The following TRAK1 variants were observed in gnomAD, a reference collection of about 807,000 sequenced individuals.
TRAK1 encodes trafficking kinesin protein 1.
Under a neutral mutation model 92.1 loss-of-function variants are expected in TRAK1, and 33 were observed. The ratio of observed to expected loss-of-function variants is 0.36; its 90% CI spans 0.27 to 0.48. TRAK1 has a LOEUF of 0.48. TRAK1 is among the 20% of genes least tolerant of loss of function. The pLI, the probability that TRAK1 is intolerant of heterozygous loss-of-function variation, is 0.99. For missense variants in TRAK1, 1,123 were observed against 1,257.9 expected, an observed-to-expected ratio of 0.89 and a Z score of 1.62; for synonymous variants, 521 against 517.3, an observed-to-expected ratio of 1.01 and a Z score of -0.10.
chr3:42,017,483 T>G (rs527886625), intron 1 of TRAK1, among the ~76,000 whole-genome samples: 2 of 152,352 alleles, frequency 1.3e-5, no homozygotes, highest in Admixed American at 6.5e-5. Context: ...GTCTTCTGGC[T>G]TCTCACCTCC....
At chr3:42,039,858 A>C (rs1702469181) in intron 1 of TRAK1, among the ~76,000 whole-genome samples, 1 of 152,116 alleles carries the variant, frequency 6.6e-6, no homozygotes, top group South Asian at 2.1e-4. Context: ...TTATGGTTTC[A>C]TTCTCCCTAG....
intron 2 of TRAK1, among the ~76,000 whole-genome samples, chr3:42,170,575 G>A (rs935634697): frequency 2.6e-5 from 4 of 152,058 alleles, no homozygotes; most frequent in African/African-American, 9.7e-5. Context: ...GAATTGCTAG[G>A]GATACGTGTC....
chr3:42,189,030 AGTC>A lies in TRAK1; in HGVS notation c.600_602del (p.Ser203del), dbSNP rs777777250. ...TTCTCCCCCAGGTTGAAGAGGAATG[AGTC>A]GTCCTCCTCAGTCCAGAATTACTTT... On this transcript the variant is annotated inframe_deletion, in exon 6 of 16. Coordinates refer to ENST00000327628, the MANE Select transcript of TRAK1 (RefSeq NM_001042646.3). 1.9e-6 allele frequency: 3 copies of A among 1,613,442 alleles called. No individual in the cohort carries two copies. The highest frequency in any genetic ancestry group is 2.5e-6 in the Non-Finnish European group (3 of 1,179,378).
At chr3:42,211,305 A>G (rs956131438) in intron 14 of TRAK1, 2 of 985,280 alleles carry the variant, frequency 2.0e-6, no homozygotes, top group East Asian at 1.1e-4. Flanking sequence ...TTTCCTTGAC[A>G]TTAATTTTAG....
chr3:42,193,908 T>C lies in TRAK1; in HGVS notation c.975+10T>C. On this transcript the variant is annotated intron_variant, in intron 9 of 15. Coordinates refer to ENST00000327628, the MANE Select transcript of TRAK1 (RefSeq NM_001042646.3). Reference sequence around the variant, plus strand: ...GCAGCTCACAGCCGAGGTGAGCACCTCTCCCTCATTCCTTCAGTGCCTCTG... The same window carrying C: ...GCAGCTCACAGCCGAGGTGAGCACCCCTCCCTCATTCCTTCAGTGCCTCTG... 3 of 1,612,370 alleles carry C rather than the reference T, an allele frequency of 1.9e-6. No homozygotes were observed. Among genetic ancestry groups the C allele is most frequent in the Non-Finnish European group, 2.5e-6 (3 of 1,179,122 alleles).
chr3:42,211,236 C>T, intron 14 of TRAK1: 1 of 985,206 alleles, frequency 1.0e-6, no homozygotes, highest in Non-Finnish European at 1.2e-6. Flanking sequence ...CTCCCATTCC[C>T]CTGGCTAATT....
In TRAK1 at chr3:42,078,769, A is replaced by AAT. The variant is rs1553709703; in HGVS notation, c.-518-8334_-518-8333insTA. 2.1e-5 allele frequency among the ~76,000 whole-genome samples: 3 copies of AAT among 144,584 alleles called. No individual in the cohort carries two copies. The East Asian group carries it at 5.9e-4, about 28-fold the overall frequency. The allele number at this position is 144,584 out of a possible 152,430, so 94.9% of individuals were successfully genotyped here. On this transcript the variant is annotated intron_variant, in intron 1 of 16. Transcript: ENST00000487159. ...TTCCATCTCAAAAAAAAAAAAAAAA[A>AAT]AAAGAAAGAAAGAAAGAAAGAAAGA...
intron 1 of TRAK1, among the ~76,000 whole-genome samples, chr3:42,109,081 T>C (rs567850194): frequency 6.6e-6 from 1 of 152,312 alleles, no homozygotes; most frequent in Admixed American, 6.5e-5. Flanking sequence ...GTTCACTATT[T>C]ACAGGCTATG....
chr3:42,218,994 G>A, intron 14 of TRAK1: 1 of 985,376 alleles, frequency 1.0e-6, no homozygotes, highest in African/African-American at 1.7e-5. Flanking sequence ...GCCCCTTTTT[G>A]TGTAAGCAGA....
At chr3:42,018,661 A>G (rs372227997) in intron 1 of TRAK1, among the ~76,000 whole-genome samples, 3 of 152,214 alleles carry the variant, frequency 2.0e-5, no homozygotes, top group Non-Finnish European at 2.9e-5. Context: ...TTAGCATACT[A>G]TTCAGAGCAC....
chr3:42,172,730 G>A (rs1011540805), intron 2 of TRAK1, among the ~76,000 whole-genome samples: 4 of 152,192 alleles, frequency 2.6e-5, no homozygotes, highest in African/African-American at 9.7e-5. Context: ...AGAGCTTGGT[G>A]CGTGGTAATG....
At position 42,180,629 on chromosome 3, in the gene TRAK1, T is replaced by C. The variant is rs369168335; in HGVS notation, c.363+3739T>C. The stretch of plus-strand genomic sequence containing the variant: ...AGGAGTTTGAGGCTATGGTGAGCTG[T>C]AATTGTGCCACTGCACTCCGGCCTA... On this transcript the variant is annotated intron_variant, in intron 3 of 15. Coordinates refer to ENST00000327628, the MANE Select transcript of TRAK1 (RefSeq NM_001042646.3). Among the ~76,000 whole-genome samples the C allele has an allele frequency of 1.2e-4, 17 of 138,848 alleles. No homozygotes were observed. In the East Asian group the frequency reaches 3.4e-3, roughly 28 times the overall value. 91.1% of individuals were successfully genotyped at this position (138,848 alleles called of 152,430 possible). A position where few individuals can be genotyped will look rare whatever the true frequency, so the allele number is the denominator to read the frequency against.
intron 2 of TRAK1, among the ~76,000 whole-genome samples, chr3:42,163,267 G>A (rs1052990162): frequency 4.6e-5 from 7 of 152,110 alleles, no homozygotes; most frequent in Admixed American, 4.6e-4. Flanking sequence ...CTAGGAACTT[G>A]TTAGAAATGC....
intron 1 of TRAK1, among the ~76,000 whole-genome samples, chr3:42,097,671 C>G (rs907206640): frequency 1.3e-5 from 2 of 152,198 alleles, no homozygotes; most frequent in Non-Finnish European, 1.5e-5. Context: ...TTATACTTTC[C>G]TTTCCATCCC....
At chr3:42,156,239 G>A (rs185976701) in intron 2 of TRAK1, among the ~76,000 whole-genome samples, 5 of 152,346 alleles carry the variant, frequency 3.3e-5, no homozygotes, top group Admixed American at 3.3e-4. Flanking sequence ...CAGGGAAGAT[G>A]CCCTTTGGCC....
At chr3:42,217,625 C>T (rs2149535652) in intron 14 of TRAK1, 1 of 985,382 alleles carries the variant, frequency 1.0e-6, no homozygotes, top group African/African-American at 1.7e-5. Flanking sequence ...GGGTATGCTT[C>T]TGATTTTAAA....
At chr3:42,089,503 C>T (rs2088478), upstream of TRAK1, among the ~76,000 whole-genome samples, 76,174 of 151,900 alleles carry the variant, frequency 0.5, 20,347 homozygotes, top group South Asian at 0.67. Context: ...CTCTTTGCCC[C>T]GCTGACCTGC....
upstream of TRAK1, among the ~76,000 whole-genome samples, chr3:42,088,558 G>T (rs573843926): frequency 6.6e-6 from 1 of 152,142 alleles, no homozygotes; most frequent in Non-Finnish European, 1.5e-5. Context: ...TCTCAGTCCC[G>T]TGTTTCCCGC....
At chr3:42,099,283 C>CG (rs1706397501) in intron 1 of TRAK1, among the ~76,000 whole-genome samples, 2 of 151,832 alleles carry the variant, frequency 1.3e-5, no homozygotes, top group South Asian at 4.2e-4. Flanking sequence ...TGGGCATAGG[C>CG]GGGGGTAACC....
Sources: gnomAD v4.1 joint callset for allele counts (sites outside exome capture counted in the v4.1 genomes callset) on GRCh38, gnomAD v4.1.1 for gene constraint, MANE v1.5 for transcripts, NCBI Gene and HGNC (gene_info 2026-07-23, HGNC 2026-07-21) for gene names.